Variants in NRXN3 observed in about 807,000 individuals in gnomAD.
NRXN3 encodes the protein neurexin 3.
Under a neutral mutation model 137.6 loss-of-function variants are expected in NRXN3, and 32 were observed. That is an observed-to-expected ratio of 0.23 (90% CI 0.18 to 0.31). NRXN3 has a LOEUF of 0.31. Ranked by LOEUF, NRXN3 falls within the 10% of genes least tolerant of loss-of-function variation. The pLI, the probability that NRXN3 is intolerant of heterozygous loss-of-function variation, is 1.00. For missense variants in NRXN3, 1,574 were observed against 2,062.5 expected, an observed-to-expected ratio of 0.76 and a Z score of 4.59; for synonymous variants, 798 against 784.5, an observed-to-expected ratio of 1.02 and a Z score of -0.29.
At chr14:78,830,382 T>C (rs1023401961) in intron 10 of NRXN3, among the ~76,000 whole-genome samples, 1 of 152,170 alleles carries the variant, frequency 6.6e-6, no homozygotes, top group African/African-American at 2.4e-5. Flanking sequence ...TCTCAATTTA[T>C]GTTTGATTCT....
chr14:78,535,790 G>C (rs2096530205), intron 4 of NRXN3, among the ~76,000 whole-genome samples: 1 of 152,176 alleles, frequency 6.6e-6, no homozygotes, highest in Non-Finnish European at 1.5e-5. Flanking sequence ...GGATAATCAT[G>C]CTTAATATAG....
At chr14:78,419,891 G>C (rs2093345939) in intron 4 of NRXN3, among the ~76,000 whole-genome samples, 1 of 151,970 alleles carries the variant, frequency 6.6e-6, no homozygotes, top group African/African-American at 2.4e-5. Context: ...ATCATTCATA[G>C]TCAGGACTTT....
At chr14:79,255,942 T>C (rs1270912352) in intron 15 of NRXN3, among the ~76,000 whole-genome samples, 1 of 152,196 alleles carries the variant, frequency 6.6e-6, no homozygotes, top group Non-Finnish European at 1.5e-5. Flanking sequence ...AAATTTGCCA[T>C]GGGAGGCTGG....
intron 16 of NRXN3, among the ~76,000 whole-genome samples, chr14:79,525,401 A>G (rs140996594): frequency 2.0e-5 from 3 of 152,248 alleles, no homozygotes; most frequent in African/African-American, 7.2e-5. Context: ...ACAAATCTCC[A>G]ACTCATGATC....
At chr14:79,621,335 A>G (rs1454711262) in intron 16 of NRXN3, among the ~76,000 whole-genome samples, 1 of 152,246 alleles carries the variant, frequency 6.6e-6, no homozygotes, top group Admixed American at 6.5e-5. Context: ...AAGTGTCAAT[A>G]CAAAGATAAA....
At chr14:79,156,124 TTTATTC>T (rs1329696533) in intron 15 of NRXN3, among the ~76,000 whole-genome samples, 1 of 151,898 alleles carries the variant, frequency 6.6e-6, no homozygotes, top group Non-Finnish European at 1.5e-5. Context: ...TAAATGATTA[TTTATTC>T]AGATCCCAGA....
At chr14:78,726,520 T>C (rs2098484436) in intron 8 of NRXN3, among the ~76,000 whole-genome samples, 1 of 147,798 alleles carries the variant, frequency 6.8e-6, no homozygotes, top group African/African-American at 2.5e-5. Context: ...TTTAGCTTTT[T>C]TTTTTTTTTT....
intron 15 of NRXN3, among the ~76,000 whole-genome samples, chr14:79,370,731 AAC>A (rs1344683821): frequency 1.3e-5 from 2 of 152,192 alleles, no homozygotes; most frequent in African/African-American, 4.8e-5. Flanking sequence ...TTTCATTAGA[AAC>A]ACAAATCTTT....
intron 4 of NRXN3, among the ~76,000 whole-genome samples, chr14:78,522,069 A>T (rs1340594860): frequency 2.0e-5 from 3 of 152,166 alleles, no homozygotes; most frequent in African/African-American, 7.2e-5. Flanking sequence ...AGCATTTCTT[A>T]TCTGGCTGGT....
chr14:78,828,412 G>T (rs1416948963), intron 10 of NRXN3, among the ~76,000 whole-genome samples: 3 of 152,148 alleles, frequency 2.0e-5, no homozygotes, highest in African/African-American at 7.2e-5. Context: ...TATAGAAGTT[G>T]GCTAACTTTT....
chr14:78,441,011 A>AGTCT (rs999838985), intron 4 of NRXN3, among the ~76,000 whole-genome samples: 1 of 152,186 alleles, frequency 6.6e-6, no homozygotes, highest in Non-Finnish European at 1.5e-5. Flanking sequence ...CATCCTTGGC[A>AGTCT]GTCTGTCTGT....
At position 79,614,917 on chromosome 14, in the gene NRXN3, G is replaced by GA. The variant is rs556082001; in HGVS notation, c.3445-48855dup. Among the ~76,000 whole-genome samples the GA allele has an allele frequency of 2.2e-4, 33 of 152,174 alleles. No individual in the cohort carries two copies. In the East Asian group the frequency reaches 6.2e-3, roughly 29 times the overall value. ...TTGTATCCACTTGCAGGTCAAAAAGGAAAAAATAACAACAACAGCAAGTGG... is the reference window on the plus strand; with the variant it reads ...TTGTATCCACTTGCAGGTCAAAAAGGAAAAAAATAACAACAACAGCAAGTGG... On this transcript the variant is annotated intron_variant, in intron 16 of 20. Transcript: ENST00000335750.
intron 16 of NRXN3, among the ~76,000 whole-genome samples, chr14:79,648,782 G>T (rs1223577982): frequency 1.3e-5 from 2 of 152,092 alleles, no homozygotes; most frequent in East Asian, 3.9e-4. Context: ...ACTTGTTTCT[G>T]TGCTTTCTCT....
chr14:79,280,028 G>A, intron 15 of NRXN3: 1 of 1,274,140 alleles, frequency 7.8e-7, no homozygotes. Flanking sequence ...TAGGAGGTTT[G>A]CTATACCTGG....
At chr14:79,755,128 A>G (rs538107671) in intron 19 of NRXN3, among the ~76,000 whole-genome samples, 12 of 152,162 alleles carry the variant, frequency 7.9e-5, no homozygotes, top group Non-Finnish European at 1.6e-4. Context: ...AAAACTTTTT[A>G]TAAGTGACTC....
intron 9 of NRXN3, 135 bp downstream of exon 9, chr14:78,803,958 A>G (rs1028348169): frequency 1.2e-6 from 1 of 825,486 alleles, no homozygotes; most frequent in Admixed American, 2.0e-5. Context: ...CAGACCCAGG[A>G]TAAAACCCAA....
At chr14:79,359,570 C>CT (rs61025850) in intron 15 of NRXN3, among the ~76,000 whole-genome samples, 48 of 105,482 alleles carry the variant, frequency 4.6e-4, no homozygotes, top group African/African-American at 1.0e-3. Flanking sequence ...AACATTTAGT[C>CT]TTTTTTTTTT....
intron 15 of NRXN3, among the ~76,000 whole-genome samples, chr14:79,303,694 T>A (rs959975714): frequency 6.6e-6 from 1 of 152,032 alleles, no homozygotes; most frequent in African/African-American, 2.4e-5. Context: ...CAGAAAGATC[T>A]CCATTGCCAC....
At chr14:79,523,220 A>G (rs1302611369) in intron 16 of NRXN3, among the ~76,000 whole-genome samples, 1 of 152,130 alleles carries the variant, frequency 6.6e-6, no homozygotes, top group East Asian at 1.9e-4. Context: ...AGGTAGCCAC[A>G]TGGTTCTTAA....
Sources: gnomAD v4.1 joint callset for allele counts (sites outside exome capture counted in the v4.1 genomes callset) on GRCh38, gnomAD v4.1.1 for gene constraint, MANE v1.5 for transcripts, NCBI Gene and HGNC (gene_info 2026-07-23, HGNC 2026-07-21) for gene names.